ADGRL3: variants seen among roughly 807,000 people sequenced by gnomAD.
ADGRL3 encodes calcium-independent alpha-latrotoxin receptor 3.
Under a neutral mutation model 153.5 loss-of-function variants are expected in ADGRL3, and 62 were observed. That is an observed-to-expected ratio of 0.40 (90% CI 0.33 to 0.50). ADGRL3 has a LOEUF of 0.50. Among genes scored for constraint, ADGRL3 ranks in the 20% least tolerant of loss-of-function variants. The pLI is 0.47. For missense variants in ADGRL3, 1,641 were observed against 1,859.4 expected, an observed-to-expected ratio of 0.88 and a Z score of 2.16; for synonymous variants, 710 against 672.5, an observed-to-expected ratio of 1.06 and a Z score of -0.86.
At chr4:61,284,033 C>T (rs529989305) in intron 1 of ADGRL3, among the ~76,000 whole-genome samples, 2 of 152,048 alleles carry the variant, frequency 1.3e-5, no homozygotes, top group South Asian at 4.1e-4. Flanking sequence ...GAACCAAGTA[C>T]CTAATGGATC....
At chr4:61,261,279 G>C (rs2092496395) in intron 1 of ADGRL3, among the ~76,000 whole-genome samples, 1 of 147,012 alleles carries the variant, frequency 6.8e-6, no homozygotes. Context: ...AGATCCTCCT[G>C]CTTCAGCCAC....
intron 2 of ADGRL3, among the ~76,000 whole-genome samples, chr4:61,459,729 G>T (rs1016668942): frequency 1.3e-5 from 2 of 151,768 alleles, no homozygotes; most frequent in African/African-American, 4.8e-5. Flanking sequence ...TTGTCTTTTT[G>T]ATAAAGTCAT....
rs186349968 is a variant in ADGRL3, at chr4:61,401,740, C to T, written c.-174+18551C>T. Among the ~76,000 whole-genome samples the T allele has an allele frequency of 1.8e-3, 274 of 152,046 alleles. 2 individuals carry two copies. Among genetic ancestry groups the T allele is most frequent in the African/African-American group, 6.4e-3 (265 of 41,488 alleles). On this transcript the variant is annotated intron_variant, in intron 2 of 26. Coordinates refer to ENST00000683033, the MANE Select transcript of ADGRL3 (RefSeq NM_001387552.1). Reference sequence around the variant, plus strand: ...AATGCTAGTAAGACTAATACTTCTCCCAATGTGGTTCAAAAACCTGTAACA... The same window carrying T: ...AATGCTAGTAAGACTAATACTTCTCTCAATGTGGTTCAAAAACCTGTAACA...
chr4:61,754,979 A>G (rs1230753497), intron 8 of ADGRL3, among the ~76,000 whole-genome samples: 4 of 152,180 alleles, frequency 2.6e-5, no homozygotes, highest in African/African-American at 4.8e-5. Context: ...ATAGTATTCC[A>G]TGGTGTATAT....
intron 5 of ADGRL3, among the ~76,000 whole-genome samples, chr4:61,653,168 TCTCACACACACA>T (rs1308352988): frequency 9.0e-5 from 5 of 55,264 alleles, no homozygotes; most frequent in African/African-American, 2.1e-4. Context: ...TCTCTCTCTC[TCTCACACACACA>T]CACACACACA....
At chr4:61,833,161 A>C (rs1213442938) in intron 9 of ADGRL3, among the ~76,000 whole-genome samples, 1 of 152,168 alleles carries the variant, frequency 6.6e-6, no homozygotes, top group African/African-American at 2.4e-5. Context: ...TGAAGTGTGT[A>C]TCACGCTTTA....
Position 61,769,972 on chromosome 4 carries a change from C to T in ADGRL3, c.1399+36418C>T, listed in dbSNP as rs548358890. ...AGTTACTTCAGGCCATCTGGGCGTA[C>T]AGGTGCAGGTCACAGGGGATACGAT... On this transcript the variant is annotated intron_variant, in intron 8 of 26. Transcript: ENST00000683033. Among the ~76,000 whole-genome samples the T allele has an allele frequency of 9.1e-4, 139 of 152,260 alleles. 1 individual carries two copies. The highest frequency in any genetic ancestry group is 2.6e-4 in the Non-Finnish European group (18 of 68,026).
At chr4:61,861,876 G>A (rs1218970916) in intron 9 of ADGRL3, among the ~76,000 whole-genome samples, 1 of 152,050 alleles carries the variant, frequency 6.6e-6, no homozygotes, top group Non-Finnish European at 1.5e-5. Context: ...CTGACAAGCG[G>A]AACACCTGCA....
At chr4:61,536,284 C>T (rs11734047) in intron 4 of ADGRL3, among the ~76,000 whole-genome samples, 32,962 of 151,930 alleles carry the variant, frequency 0.22, 3,819 homozygotes, top group Admixed American at 0.31. Flanking sequence ...TTTATTGAGA[C>T]GTGCTTTATC....
At chr4:61,214,854 C>T (rs1329269788) in intron 1 of ADGRL3, among the ~76,000 whole-genome samples, 1 of 152,118 alleles carries the variant, frequency 6.6e-6, no homozygotes, top group African/African-American at 2.4e-5. Context: ...TGGAGGATCC[C>T]TTGAGCTGGG....
intron 2 of ADGRL3, among the ~76,000 whole-genome samples, chr4:61,438,726 T>TC: frequency 1.4e-5 from 2 of 147,372 alleles, no homozygotes; most frequent in South Asian, 2.2e-4. Context: ...TTTTTTTTTT[T>TC]AGACGGAGTC....
At chr4:61,238,735 T>A (rs1753793952) in intron 1 of ADGRL3, among the ~76,000 whole-genome samples, 1 of 152,206 alleles carries the variant, frequency 6.6e-6, no homozygotes, top group East Asian at 1.9e-4. Flanking sequence ...AAATGAAGAT[T>A]CTAATAGAAT....
chr4:62,000,787 A>T (rs1023642622), intron 21 of ADGRL3, among the ~76,000 whole-genome samples: 16 of 151,340 alleles, frequency 1.1e-4, no homozygotes, highest in South Asian at 4.2e-4. Flanking sequence ...TTATTTATTT[A>T]TTTTTTTTTC....
At chr4:61,829,361 TG>T (rs1216525652) in intron 9 of ADGRL3, among the ~76,000 whole-genome samples, 1 of 152,182 alleles carries the variant, frequency 6.6e-6, no homozygotes, top group Non-Finnish European at 1.5e-5. Context: ...TTTAAGCACA[TG>T]GACTTAATCT....
chr4:61,621,974 C>T (rs1391552570), intron 5 of ADGRL3, among the ~76,000 whole-genome samples: 1 of 152,058 alleles, frequency 6.6e-6, no homozygotes, highest in East Asian at 1.9e-4. Flanking sequence ...TTTAGTCAGA[C>T]AGTTAGACTG....
chr4:61,792,496 ATT>A (rs200393934), intron 8 of ADGRL3, among the ~76,000 whole-genome samples: 12,110 of 115,716 alleles, frequency 0.1, 1,398 homozygotes, highest in African/African-American at 0.34. Flanking sequence ...TTATTTTATT[ATT>A]TTTTTTTTTT....
At chr4:61,831,486 G>A (rs2097868959) in intron 9 of ADGRL3, among the ~76,000 whole-genome samples, 1 of 151,002 alleles carries the variant, frequency 6.6e-6, no homozygotes, top group Admixed American at 6.6e-5. Context: ...AGGGGAGGTG[G>A]GGTAGGTATT....
rs766951668 is a variant in ADGRL3, at chr4:61,676,882, C to T, written c.530C>T (p.Pro177Leu). The T allele has an allele frequency of 1.9e-6, 3 of 1,612,090 alleles. No homozygotes were observed. The highest frequency in any genetic ancestry group is 2.5e-6 in the Non-Finnish European group (3 of 1,178,614). The change falls in exon 6 of 27, where the codon CCG (proline) becomes CTG (leucine). Residue 177 changes from proline (P) to leucine (L), a missense_variant. This residue lies in a region of ADGRL3 where 213 missense variants were observed against 362.1 expected (regional missense o/e 0.59). Transcript: ENST00000683033. Reference sequence around the variant, plus strand: ...GCAGGTCCTGATGTTTTTCCAGACCCGTGTCCAGGAACCTATAAATACCTT... The same window carrying T: ...GCAGGTCCTGATGTTTTTCCAGACCTGTGTCCAGGAACCTATAAATACCTT... ...VVAGPDVFPD[P>L]CPGTYKYLEV...
rs1304511027 is a variant in ADGRL3 at position 61,720,597 on chromosome 4, G to T, written c.584-10025G>T. Among the ~76,000 whole-genome samples the T allele has an allele frequency of 3.3e-5, 5 of 152,276 alleles. No homozygotes were observed. The East Asian group carries it at 9.7e-4, about 29-fold the overall frequency. ...GAATAGTATTTGCTCTTTAATCAGT[G>T]GAGATATTCAATAATAGTAGCTTGC... On this transcript the variant is annotated intron_variant, in intron 6 of 26. Transcript: ENST00000683033.
Sources: gnomAD v4.1 joint callset for allele counts (sites outside exome capture counted in the v4.1 genomes callset) on GRCh38, gnomAD v4.1.1 for gene constraint, gnomAD v4.1.1 regional missense constraint, MANE v1.5 for transcripts, NCBI Gene and HGNC (gene_info 2026-07-23, HGNC 2026-07-21) for gene names.